Variants in CNTN4 observed in about 807,000 individuals in gnomAD.
CNTN4 encodes contactin 4, also known as contactin-4.
Under a neutral mutation model 122.5 loss-of-function variants are expected in CNTN4, and 77 were observed. That is an observed-to-expected ratio of 0.63 (90% CI 0.52 to 0.76). The LOEUF is 0.76. Ranked by LOEUF, CNTN4 falls within the 30% of genes least tolerant of loss-of-function variation. The pLI, the probability that CNTN4 is intolerant of heterozygous loss-of-function variation, is 0.00. For synonymous variants in CNTN4, 512 were observed against 447.0 expected, an observed-to-expected ratio of 1.15 and a Z score of -1.83; for missense variants, 1,256 against 1,259.1, an observed-to-expected ratio of 1.00 and a Z score of 0.04.
At chr3:2,122,115 A>C (rs1038145167) in intron 2 of CNTN4, among the ~76,000 whole-genome samples, 2 of 151,304 alleles carry the variant, frequency 1.3e-5, no homozygotes, top group African/African-American at 4.9e-5. Context: ...AGATTGCGCC[A>C]CTGCACTCCA....
chr3:2,288,216 T>G (rs2042010783), intron 2 of CNTN4, among the ~76,000 whole-genome samples: 1 of 152,122 alleles, frequency 6.6e-6, no homozygotes, highest in Non-Finnish European at 1.5e-5. Context: ...GAAAAGAAGT[T>G]TATTTGGTTT....
At chr3:2,501,654 C>T (rs911291072) in intron 3 of CNTN4, among the ~76,000 whole-genome samples, 2 of 152,000 alleles carry the variant, frequency 1.3e-5, no homozygotes, top group South Asian at 2.1e-4. Context: ...GTATTTGATC[C>T]TCTCATATCC....
intron 3 of CNTN4, among the ~76,000 whole-genome samples, chr3:2,568,755 C>G (rs1157494624): frequency 6.6e-6 from 1 of 152,112 alleles, no homozygotes; most frequent in Non-Finnish European, 1.5e-5. Context: ...AAAGGTGAAC[C>G]TTACCTACCT....
At chr3:2,795,790 G>A (rs1364376516) in intron 6 of CNTN4, among the ~76,000 whole-genome samples, 3 of 151,956 alleles carry the variant, frequency 2.0e-5, no homozygotes, top group Admixed American at 2.0e-4. Context: ...AAAGTGCTGG[G>A]ATTACAGACG....
chr3:2,595,557 T>G (rs995814641), intron 4 of CNTN4, among the ~76,000 whole-genome samples: 3 of 152,128 alleles, frequency 2.0e-5, no homozygotes, highest in Non-Finnish European at 1.5e-5. Flanking sequence ...GTAGCCTACC[T>G]TGTCAATGAA....
At chr3:2,278,403 C>G (rs891912079) in intron 2 of CNTN4, among the ~76,000 whole-genome samples, 7 of 152,138 alleles carry the variant, frequency 4.6e-5, no homozygotes, top group African/African-American at 1.7e-4. Context: ...GTAAACTGAC[C>G]TTTACCTTTT....
chr3:2,722,199 A>G (rs1263537546), intron 4 of CNTN4, among the ~76,000 whole-genome samples: 1 of 152,150 alleles, frequency 6.6e-6, no homozygotes, highest in Non-Finnish European at 1.5e-5. Context: ...ACTTAACTTC[A>G]CAATACGAAT....
At chr3:2,119,906 A>G (rs754721450) in intron 2 of CNTN4, among the ~76,000 whole-genome samples, 1 of 152,124 alleles carries the variant, frequency 6.6e-6, no homozygotes, top group Non-Finnish European at 1.5e-5. Context: ...TCTGAAGGAG[A>G]AAAGGAAAGT....
chr3:3,038,888 C>T (rs767194030), intron 18 of CNTN4, 45 bp from the exon 19 acceptor site: 50 of 1,562,654 alleles, frequency 3.2e-5, no homozygotes, highest in Admixed American at 1.8e-4. Flanking sequence ...GGCCCTCATT[C>T]GCCTTTGCCG....
intron 2 of CNTN4, among the ~76,000 whole-genome samples, chr3:2,314,256 A>G (rs992385610): frequency 3.3e-5 from 5 of 152,002 alleles, no homozygotes; most frequent in African/African-American, 1.2e-4. Context: ...GCACACACAT[A>G]CATATGTATA....
At chr3:2,295,690 C>T in intron 2 of CNTN4, among the ~76,000 whole-genome samples, 1 of 152,052 alleles carries the variant, frequency 6.6e-6, no homozygotes, top group Non-Finnish European at 1.5e-5. Flanking sequence ...AATTAGATCC[C>T]ATTTGTCAGT....
chr3:2,700,981 G>T (rs945087542), intron 4 of CNTN4, among the ~76,000 whole-genome samples: 2 of 152,160 alleles, frequency 1.3e-5, no homozygotes, highest in African/African-American at 4.8e-5. Flanking sequence ...AAGTGGTTGA[G>T]ATGTGGGATC....
At position 2,925,626 on chromosome 3, in the gene CNTN4, C is replaced by T; in HGVS notation, c.1208-3C>T. On this transcript the variant is annotated splice_polypyrimidine_tract_variant and splice_region_variant and intron_variant, in intron 12 of 24. Transcript: ENST00000418658. ...AATAATTATTTTTTGTACTGTCTTTCAGCTGTAGGTCCAGATTTTTCAAGA... is the reference window on the plus strand; with the variant it reads ...AATAATTATTTTTTGTACTGTCTTTTAGCTGTAGGTCCAGATTTTTCAAGA... 4.3e-6 allele frequency: 7 copies of T among 1,613,318 alleles called. No individual in the cohort carries two copies. The highest frequency in any genetic ancestry group is 1.6e-4 in the Middle Eastern group (1 of 6,062).
At chr3:2,465,815 G>T (rs1367313825) in intron 3 of CNTN4, among the ~76,000 whole-genome samples, 2 of 152,170 alleles carry the variant, frequency 1.3e-5, no homozygotes, top group Non-Finnish European at 2.9e-5. Context: ...TGATATCTTT[G>T]TTGGTCCTTT....
At chr3:2,703,301 G>A (rs959878645) in intron 4 of CNTN4, among the ~76,000 whole-genome samples, 19 of 152,148 alleles carry the variant, frequency 1.2e-4, no homozygotes, top group African/African-American at 4.6e-4. Flanking sequence ...GGTACAGTAT[G>A]AGTATATATT....
intron 3 of CNTN4, among the ~76,000 whole-genome samples, chr3:2,352,357 C>T (rs1017376339): frequency 3.3e-5 from 5 of 152,280 alleles, no homozygotes; most frequent in South Asian, 2.1e-4. Context: ...TGGCCGAGGC[C>T]GGAACCGGCT....
intron 2 of CNTN4, among the ~76,000 whole-genome samples, chr3:2,132,629 G>A (rs139974397): frequency 6.6e-6 from 1 of 152,118 alleles, no homozygotes; most frequent in Admixed American, 6.6e-5. Context: ...GGGATGGAGA[G>A]TGTTAGTGAT....
intron 2 of CNTN4, among the ~76,000 whole-genome samples, chr3:2,225,786 A>G (rs907742417): frequency 2.6e-5 from 4 of 151,982 alleles, no homozygotes; most frequent in African/African-American, 9.7e-5. Context: ...ATCTGACCCC[A>G]CTCATCATGG....
chr3:3,045,823 C>G (rs1055307986), intron 23 of CNTN4, among the ~76,000 whole-genome samples: 3 of 152,182 alleles, frequency 2.0e-5, no homozygotes, highest in African/African-American at 7.2e-5. Context: ...GATGACCAAA[C>G]TTCTCCGAGC....
Sources: allele counts gnomAD v4.1 joint callset (sites outside exome capture counted in the v4.1 genomes callset), GRCh38; gene constraint gnomAD v4.1.1; transcripts MANE v1.5; gene names NCBI Gene and HGNC (gene_info 2026-07-23, HGNC 2026-07-21).